MSI2: variants seen among roughly 807,000 people sequenced by gnomAD.
MSI2 encodes the protein musashi RNA binding protein 2, also known as RNA-binding protein Musashi homolog 2.
MSI2 carries 17 observed loss-of-function variants against 45.6 expected under a neutral mutation model. The ratio of observed to expected loss-of-function variants is 0.37; its 90% CI spans 0.26 to 0.56. The LOEUF is 0.56. Among genes scored for constraint, MSI2 ranks in the 20% least tolerant of loss-of-function variants. The probability of loss-of-function intolerance (pLI) is 0.77; values close to 1 mark genes in which losing one functional copy is unlikely to be tolerated. For synonymous variants in MSI2, 156 were observed against 158.2 expected (o/e 0.99, Z 0.11); for missense variants, 293 against 444.2 (o/e 0.66, Z 3.06).
intron 7 of MSI2, among the ~76,000 whole-genome samples, chr17:57,548,728 C>T (rs973098713): frequency 6.6e-6 from 1 of 152,064 alleles, no homozygotes; most frequent in Admixed American, 6.5e-5. Context: ...TGCTCTCAAA[C>T]TCCACTTCAT....
chr17:57,495,791 C>G (rs150127281), intron 6 of MSI2, among the ~76,000 whole-genome samples: 142 of 152,286 alleles, frequency 9.3e-4, no homozygotes, highest in African/African-American at 3.2e-3. Context: ...ATCCCAGCGC[C>G]CTGAGTGAGG....
intron 7 of MSI2, among the ~76,000 whole-genome samples, chr17:57,584,180 A>G (rs1018349040): frequency 1.3e-5 from 2 of 152,182 alleles, no homozygotes; most frequent in Non-Finnish European, 2.9e-5. Context: ...CTGAAGAGTC[A>G]GGGAGCAGTC....
At chr17:57,363,211 A>T (rs930486048) in intron 5 of MSI2, among the ~76,000 whole-genome samples, 2 of 152,224 alleles carry the variant, frequency 1.3e-5, no homozygotes, top group African/African-American at 2.4e-5. Flanking sequence ...AGATGCTACA[A>T]TGTGGATGGA....
chr17:57,488,227 GC>G (rs2085793724), intron 6 of MSI2, among the ~76,000 whole-genome samples: 1 of 151,260 alleles, frequency 6.6e-6, no homozygotes, highest in African/African-American at 2.4e-5. Flanking sequence ...AACAACATCA[GC>G]TCCCTTCTCC....
rs1451087595 is a variant in MSI2, at chr17:57,422,949, C to T, written c.405+21478C>T. ...TCTTTGTCCAGAAATAGACACTGGT[C>T]TCTGGACTGGTGACACTTCAGGAGG... On this transcript the variant is annotated intron_variant, in intron 6 of 13. Coordinates refer to ENST00000284073, the MANE Select transcript of MSI2 (RefSeq NM_138962.4). Among the ~76,000 whole-genome samples, 3 of 152,114 alleles carry T rather than the reference C, an allele frequency of 2.0e-5. No individual in the cohort carries two copies. The East Asian group carries it at 5.8e-4, about 29-fold the overall frequency.
chr17:57,567,211 T>C (rs2087756152), intron 7 of MSI2, among the ~76,000 whole-genome samples: 1 of 152,196 alleles, frequency 6.6e-6, no homozygotes, highest in African/African-American at 2.4e-5. Context: ...GTAATCTAAT[T>C]AGTATGAAGT....
At chr17:57,661,868 C>T (rs1288096008) in intron 11 of MSI2, among the ~76,000 whole-genome samples, 1 of 152,196 alleles carries the variant, frequency 6.6e-6, no homozygotes, top group Non-Finnish European at 1.5e-5. Flanking sequence ...ACCTGATTCA[C>T]CCTACCTGGG....
intron 6 of MSI2, among the ~76,000 whole-genome samples, chr17:57,494,360 C>T (rs7209641): frequency 0.36 from 55,278 of 151,978 alleles, 11,466 homozygotes; most frequent in Non-Finnish European, 0.48. Flanking sequence ...GATGCAGAAG[C>T]GTCCCGCAAG....
chr17:57,664,309 G>A (rs1420724387), intron 11 of MSI2, among the ~76,000 whole-genome samples: 1 of 152,204 alleles, frequency 6.6e-6, no homozygotes, highest in Non-Finnish European at 1.5e-5. Flanking sequence ...CTTGAGGCCA[G>A]GAGTTTGAGA....
At chr17:57,664,408 C>G (rs1567966689) in intron 11 of MSI2, among the ~76,000 whole-genome samples, 1 of 152,102 alleles carries the variant, frequency 6.6e-6, no homozygotes, top group South Asian at 2.1e-4. Flanking sequence ...GTCTCAGCTA[C>G]TGGGGAGACT....
chr17:57,377,046 A>G lies in MSI2; in HGVS notation c.313-24333A>G, dbSNP rs374726649. 4.7e-4 allele frequency among the ~76,000 whole-genome samples: 71 copies of G among 150,674 alleles called. 3 individuals are homozygous for G. In the East Asian group the frequency reaches 7.9e-3, roughly 17 times the overall value. On this transcript the variant is annotated intron_variant, in intron 5 of 13. Transcript: ENST00000284073. ...TGCCATTCTCCTGCCTCAGCCTCCC[A>G]AGTAGCTGGGACTACAGGCGCCCGC...
At chr17:57,656,949 T>C (rs1488435578) in intron 11 of MSI2, among the ~76,000 whole-genome samples, 1 of 152,172 alleles carries the variant, frequency 6.6e-6, no homozygotes, top group East Asian at 1.9e-4. Flanking sequence ...TACGTGTTGA[T>C]GCTGAGTGAG....
In MSI2 at chr17:57,627,385, A is replaced by AATGCATTTCTTAC; in HGVS notation, c.727+89_727+101dup. On this transcript the variant is annotated intron_variant, in intron 10 of 13. Coordinates refer to ENST00000284073, the MANE Select transcript of MSI2 (RefSeq NM_138962.4). This position sits in a 1 kb window ranked among gnomAD's most constrained non-coding sequence, Gnocchi z 4.6. ...GGGAGGTGAGAGGACCCCTAAAGAG[A>AATGCATTTCTTAC]ATGCATTTCTTACATGCATCCACTT... 8.2e-7 allele frequency: 1 copy of AATGCATTTCTTAC among 1,221,716 alleles called. No individual in the cohort carries two copies. Among genetic ancestry groups the AATGCATTTCTTAC allele is most frequent in the Non-Finnish European group, 1.2e-6 (1 of 825,658 alleles). The allele number at this position is 1,221,716 out of a possible 1,614,324, so 75.7% of individuals were successfully genotyped here.
At chr17:57,625,402 G>A (rs1395767167) in intron 9 of MSI2, among the ~76,000 whole-genome samples, 1 of 152,206 alleles carries the variant, frequency 6.6e-6, no homozygotes, top group African/African-American at 2.4e-5. Context: ...GCTCTGAGTA[G>A]GCAGCAGGAT....
intron 5 of MSI2, among the ~76,000 whole-genome samples, chr17:57,373,342 C>T (rs763648076): frequency 3.3e-5 from 5 of 152,128 alleles, no homozygotes; most frequent in Admixed American, 6.5e-5. Context: ...AATTGCCTCA[C>T]CCCAGGTCAA....
intron 7 of MSI2, among the ~76,000 whole-genome samples, chr17:57,542,437 C>T (rs1433993546): frequency 2.0e-5 from 3 of 152,172 alleles, no homozygotes; most frequent in African/African-American, 7.2e-5. Flanking sequence ...TATCCCACAG[C>T]CTTAGCATTG....
intron 6 of MSI2, among the ~76,000 whole-genome samples, chr17:57,420,157 C>T (rs1220016615): frequency 6.6e-6 from 1 of 152,206 alleles, no homozygotes; most frequent in Non-Finnish European, 1.5e-5. Context: ...CAGGTTGCAC[C>T]TCTAGGGTCC....
At chr17:57,587,748 A>G (rs181206045) in intron 7 of MSI2, among the ~76,000 whole-genome samples, 128 of 152,288 alleles carry the variant, frequency 8.4e-4, no homozygotes, top group African/African-American at 3.0e-3. Flanking sequence ...AGGCAGGAAG[A>G]AATATGACCA....
rs188725088 is a variant in MSI2, at chr17:57,297,548, G to A, written c.312+35356G>A. 2.1e-3 allele frequency among the ~76,000 whole-genome samples: 324 copies of A among 152,318 alleles called. 1 individual carries two copies. The highest frequency in any genetic ancestry group is 7.5e-3 in the African/African-American group (310 of 41,564). The stretch of plus-strand genomic sequence containing the variant: ...TGATGGCTGCTGACTGATCAGGGTG[G>A]TGGTTGCAGAAGGTTGGGGTGGTTG... On this transcript the variant is annotated intron_variant, in intron 5 of 13. Transcript: ENST00000284073.
Sources: allele counts gnomAD v4.1 joint callset (sites outside exome capture counted in the v4.1 genomes callset), GRCh38; gene constraint gnomAD v4.1.1; non-coding constraint Gnocchi (gnomAD v3.1); transcripts MANE v1.5; gene names NCBI Gene and HGNC (gene_info 2026-07-23, HGNC 2026-07-21).